TBC1D8: variants seen among roughly 807,000 people sequenced by gnomAD.
TBC1D8 encodes BUB2-like protein 1.
TBC1D8 carries 65 observed loss-of-function variants against 118.8 expected under a neutral mutation model. That is an observed-to-expected ratio of 0.55 (90% CI 0.45 to 0.67). The LOEUF is 0.67. Among genes scored for constraint, TBC1D8 ranks in the 30% least tolerant of loss-of-function variants. The pLI is 0.00. For missense variants in TBC1D8, 1,376 were observed against 1,471.2 expected (o/e 0.94, Z 1.06); for synonymous variants, 566 against 595.8 (o/e 0.95, Z 0.73).
intron 2 of TBC1D8, among the ~76,000 whole-genome samples, chr2:101,074,173 A>G (rs1674656119): frequency 6.6e-6 from 1 of 152,246 alleles, no homozygotes; most frequent in Non-Finnish European, 1.5e-5. Context: ...AGAGTTATTA[A>G]TTAGCCTAAT....
chr2:101,009,924 C>T (rs1679070915), intron 19 of TBC1D8, among the ~76,000 whole-genome samples: 1 of 151,484 alleles, frequency 6.6e-6, no homozygotes, highest in Non-Finnish European at 1.5e-5. Context: ...CGGGTTCATG[C>T]CATTCTCCTG....
rs770633531 is a variant in TBC1D8, at chr2:101,007,880, G to A, written c.3409C>T (p.Leu1137Phe). 6 of 1,613,912 alleles carry A rather than the reference G, an allele frequency of 3.7e-6. No individual in the cohort carries two copies. Among genetic ancestry groups the A allele is most frequent in the Non-Finnish European group, 5.1e-6 (6 of 1,179,904 alleles). The change falls in exon 20 of 20, where the codon CTC becomes TTC. Residue 1137 changes from leucine (L) to phenylalanine (F), a missense_variant. Transcript: ENST00000409318. ...LENAKINQYN[L>F]KTFEMSHQSQ... ...TGGTGGCTCATTTCAAAAGTTTTGA[G>A]ATTGTACTGATTGATCTTGGCATTT... is the stretch of plus-strand genomic sequence containing the variant.
At chr2:101,102,472 AT>A (rs1319874986) in intron 1 of TBC1D8, among the ~76,000 whole-genome samples, 3 of 151,302 alleles carry the variant, frequency 2.0e-5, no homozygotes, top group Non-Finnish European at 2.9e-5. Flanking sequence ...AAAAAAAAAA[AT>A]CTCTTCAAGT....
intron 1 of TBC1D8, among the ~76,000 whole-genome samples, chr2:101,127,862 G>C (rs1019250647): frequency 3.3e-5 from 5 of 152,110 alleles, no homozygotes; most frequent in African/African-American, 1.2e-4. Context: ...TCTACCCTTC[G>C]GGAGCCTAGG....
At chr2:101,108,679 C>G (rs1440011646) in intron 1 of TBC1D8, among the ~76,000 whole-genome samples, 2 of 152,150 alleles carry the variant, frequency 1.3e-5, no homozygotes, top group Non-Finnish European at 2.9e-5. Flanking sequence ...CAGATCCCCT[C>G]GTCCAGTTAT....
At chr2:101,127,938 T>G (rs1395428886) in intron 1 of TBC1D8, among the ~76,000 whole-genome samples, 1 of 152,242 alleles carries the variant, frequency 6.6e-6, no homozygotes, top group African/African-American at 2.4e-5. Flanking sequence ...TGATGTTAAC[T>G]AAGCACACTG....
rs563957097 is a variant in TBC1D8 at position 101,036,871 on chromosome 2, C to T, written c.1452+661G>A. On this transcript the variant is annotated intron_variant, in intron 8 of 19. Coordinates refer to ENST00000409318, the MANE Select transcript of TBC1D8 (RefSeq NM_001330348.2). ...TGTCAACAAAAGTTAATTAAGGATC[C>T]GGGTGTAAAGCCTATGAGAAGGCTC... Among the ~76,000 whole-genome samples, 218 of 152,200 alleles carry T rather than the reference C, an allele frequency of 1.4e-3. 3 individuals carry two copies. In the South Asian group the frequency reaches 0.022, roughly 15 times the overall value.
intron 7 of TBC1D8, 24 bp from the exon 8 acceptor site, chr2:101,037,732 C>T: frequency 1.2e-6 from 2 of 1,608,042 alleles, no homozygotes; most frequent in Non-Finnish European, 1.7e-6. Flanking sequence ...GAGACAGAGA[C>T]AGAGAGAGAG....
intron 4 of TBC1D8, among the ~76,000 whole-genome samples, chr2:101,052,564 C>T (rs1682142772): frequency 6.6e-6 from 1 of 151,598 alleles, no homozygotes; most frequent in Admixed American, 6.6e-5. Context: ...GCAACCTCCA[C>T]CTCCAGGGTT....
intron 15 of TBC1D8, among the ~76,000 whole-genome samples, chr2:101,026,651 C>G (rs927620184): frequency 6.6e-6 from 1 of 152,170 alleles, no homozygotes; most frequent in African/African-American, 2.4e-5. Context: ...GCCAGGCTTG[C>G]TTTCTGCAAC....
chr2:101,021,149 A>C (rs1680007569), intron 17 of TBC1D8, among the ~76,000 whole-genome samples: 1 of 152,048 alleles, frequency 6.6e-6, no homozygotes, highest in Non-Finnish European at 1.5e-5. Context: ...TTTCTGATTC[A>C]TCTCTATTAG....
intron 1 of TBC1D8, among the ~76,000 whole-genome samples, chr2:101,144,044 T>A (rs567301188): frequency 7.9e-5 from 12 of 152,340 alleles, no homozygotes; most frequent in Admixed American, 2.0e-4. Context: ...CTCACATCTA[T>A]CCATTTTACT....
intron 15 of TBC1D8, among the ~76,000 whole-genome samples, chr2:101,023,377 C>T (rs1350124560): frequency 4.6e-5 from 7 of 151,884 alleles, no homozygotes; most frequent in African/African-American, 1.7e-4. Context: ...AACTCTTGAC[C>T]TTGGGTGATC....
intron 2 of TBC1D8, among the ~76,000 whole-genome samples, chr2:101,059,950 A>C (rs946388841): frequency 2.2e-4 from 33 of 152,148 alleles, no homozygotes; most frequent in Admixed American, 2.1e-3. Flanking sequence ...AAAAAAAAAA[A>C]ATCTTGCCTC....
chr2:101,132,527 A>G (rs1678640142), intron 1 of TBC1D8, among the ~76,000 whole-genome samples: 1 of 152,160 alleles, frequency 6.6e-6, no homozygotes, highest in African/African-American at 2.4e-5. Flanking sequence ...CAGCCTTTCT[A>G]TGACTGACAT....
At chr2:101,098,215 A>G (rs1308218136) in intron 1 of TBC1D8, among the ~76,000 whole-genome samples, 1 of 152,154 alleles carries the variant, frequency 6.6e-6, no homozygotes, top group East Asian at 1.9e-4. Context: ...CAACATGGTG[A>G]AACCCCATTT....
rs371272920 is a variant in TBC1D8 at position 101,027,478 on chromosome 2, C to T, written c.2452-27G>A. The T allele has an allele frequency of 1.4e-4, 218 of 1,609,634 alleles. 2 individuals are homozygous for T. The African/African-American group carries it at 2.4e-3, about 18-fold the overall frequency. On this transcript the variant is annotated intron_variant, in intron 14 of 19. Coordinates refer to ENST00000409318, the MANE Select transcript of TBC1D8 (RefSeq NM_001330348.2). The stretch of plus-strand genomic sequence containing the variant: ...TTGAGGAAAGAATAAACAGCAATGG[C>T]GTGAAATCTAGGCCTGCACCCCCAG...
intron 8 of TBC1D8, among the ~76,000 whole-genome samples, 170 bp downstream of exon 8, chr2:101,037,362 T>C (rs1043094202): frequency 1.3e-5 from 2 of 152,106 alleles, no homozygotes; most frequent in African/African-American, 4.8e-5. Flanking sequence ...AGCCCCTCAG[T>C]CCTCTGACCA....
At chr2:101,034,567 A>C (rs1330011332) in intron 9 of TBC1D8, among the ~76,000 whole-genome samples, 3 of 152,210 alleles carry the variant, frequency 2.0e-5, no homozygotes, top group African/African-American at 7.2e-5. Context: ...CGGGCGGGCA[A>C]GATGAAGGGA....
Sources: gnomAD v4.1 joint callset for allele counts (sites outside exome capture counted in the v4.1 genomes callset) on GRCh38, gnomAD v4.1.1 for gene constraint, MANE v1.5 for transcripts, NCBI Gene and HGNC (gene_info 2026-07-23, HGNC 2026-07-21) for gene names.